The following ATG7 variants were observed in gnomAD, a reference collection of about 807,000 sequenced individuals.
ATG7 encodes the protein autophagy related 7.
Under a neutral mutation model 82.4 loss-of-function variants are expected in ATG7, and 70 were observed. That is an observed-to-expected ratio of 0.85 (90% CI 0.70 to 1.04). The LOEUF is 1.04. Ranked by LOEUF, ATG7 falls within the 50% of genes least tolerant of loss-of-function variation. The probability of loss-of-function intolerance (pLI) is 0.00; values close to 1 mark genes in which losing one functional copy is unlikely to be tolerated. For synonymous variants in ATG7, 287 were observed against 313.0 expected (o/e 0.92, Z 0.88); for missense variants, 792 against 864.3 (o/e 0.92, Z 1.05).
At chr3:11,414,968 T>G (rs557413292) in intron 19 of ATG7, among the ~76,000 whole-genome samples, 9 of 152,232 alleles carry the variant, frequency 5.9e-5, no homozygotes, top group Non-Finnish European at 1.3e-4. Flanking sequence ...GGGGATACCT[T>G]CTGAGAAATG....
rs2071274855 is a variant in ATG7, at chr3:11,546,181, T to TC, written c.2080-8630_2080-8629insC. On this transcript the variant is annotated intron_variant, in intron 20 of 20. Coordinates refer to ENST00000693202, the MANE Select transcript of ATG7 (RefSeq NM_001349232.2). ...AACTGGATTTTTTTTTTTTTTTTTT[T>TC]TTTTTTTTGAGATGGAGTCCTGCTC... Among the ~76,000 whole-genome samples, 17 of 142,958 alleles carry TC rather than the reference T, an allele frequency of 1.2e-4. No individual in the cohort carries two copies. In the South Asian group the frequency reaches 3.8e-3, roughly 32 times the overall value. The allele number at this position is 142,958 out of a possible 152,430, so 93.8% of individuals were successfully genotyped here.
At chr3:11,504,093 C>G (rs148962122) in intron 20 of ATG7, among the ~76,000 whole-genome samples, 1 of 152,194 alleles carries the variant, frequency 6.6e-6, no homozygotes, top group Non-Finnish European at 1.5e-5. Context: ...TGAGACTAGA[C>G]CAACACTAAG....
rs563278957 is a variant in ATG7, at chr3:11,447,741, T to C, written c.2079+20815T>C. On this transcript the variant is annotated intron_variant, in intron 20 of 20. Transcript: ENST00000693202. ...AGAAAATCCCAGATAAGGACTGTGATTGGCCAGGCCTGGGTCACATGCCAT... is the reference window on the plus strand; with the variant it reads ...AGAAAATCCCAGATAAGGACTGTGACTGGCCAGGCCTGGGTCACATGCCAT... Among the ~76,000 whole-genome samples, 22 of 152,270 alleles carry C rather than the reference T, an allele frequency of 1.4e-4. 1 individual carries two copies. Among genetic ancestry groups the C allele is most frequent in the African/African-American group, 4.3e-4 (18 of 41,554 alleles).
intron 19 of ATG7, among the ~76,000 whole-genome samples, chr3:11,422,612 C>G (rs1050361497): frequency 1.3e-5 from 2 of 151,904 alleles, no homozygotes; most frequent in Admixed American, 6.6e-5. Flanking sequence ...TGGAGTAGCA[C>G]TTATAATTTC....
chr3:11,407,254 T>A (rs1209332566), intron 19 of ATG7, among the ~76,000 whole-genome samples: 2 of 152,210 alleles, frequency 1.3e-5, no homozygotes, highest in Admixed American at 6.5e-5. Context: ...AATGATCTCC[T>A]TTGACTCCGT....
chr3:11,430,671 C>G (rs1020325280), intron 20 of ATG7, among the ~76,000 whole-genome samples: 5 of 152,116 alleles, frequency 3.3e-5, no homozygotes, highest in African/African-American at 1.2e-4. Flanking sequence ...TAACTGAATA[C>G]AGAAGTTAAT....
intron 18 of ATG7, among the ~76,000 whole-genome samples, chr3:11,377,212 G>T (rs2077486723): frequency 6.6e-6 from 1 of 152,216 alleles, no homozygotes; most frequent in African/African-American, 2.4e-5. Flanking sequence ...AGGGTTTCCT[G>T]TCTTGAATTA....
intron 18 of ATG7, among the ~76,000 whole-genome samples, chr3:11,378,271 C>G (rs2077584065): frequency 6.6e-6 from 1 of 150,856 alleles, no homozygotes; most frequent in Non-Finnish European, 1.5e-5. Context: ...CCCGCCTCAG[C>G]CTCCCAAAGT....
the ATG7 span, among the ~76,000 whole-genome samples, chr3:11,573,385 A>C: frequency 6.7e-6 from 1 of 148,682 alleles, no homozygotes; most frequent in East Asian, 2.0e-4. Flanking sequence ...GAAAGAAAGA[A>C]AGAAAGAAAG....
chr3:11,383,008 G>T (rs538631712), intron 19 of ATG7, among the ~76,000 whole-genome samples: 1 of 152,204 alleles, frequency 6.6e-6, no homozygotes, highest in African/African-American at 2.4e-5. Context: ...AAAACTGAAT[G>T]CTTCAATGTG....
chr3:11,528,503 A>C (rs1028406451), intron 20 of ATG7, among the ~76,000 whole-genome samples: 3 of 152,128 alleles, frequency 2.0e-5, no homozygotes, highest in African/African-American at 7.2e-5. Context: ...CATAGAGTCT[A>C]CCAGAGGACA....
At chr3:11,331,521 A>G (rs1951647065) in intron 10 of ATG7, 93 bp downstream of exon 10, 6 of 1,105,138 alleles carry the variant, frequency 5.4e-6, no homozygotes, top group South Asian at 2.7e-5. Context: ...CTGTTTTCCT[A>G]AATGCATTAT....
chr3:11,355,404 CTT>C (rs1038213702), intron 14 of ATG7, among the ~76,000 whole-genome samples: 1 of 152,182 alleles, frequency 6.6e-6, no homozygotes, highest in African/African-American at 2.4e-5. Context: ...AAATTTAAAA[CTT>C]CTGCTTCTCA....
At chr3:11,494,904 T>G (rs1309049011) in intron 20 of ATG7, among the ~76,000 whole-genome samples, 1 of 152,160 alleles carries the variant, frequency 6.6e-6, no homozygotes, top group African/African-American at 2.4e-5. Flanking sequence ...AAACCCCGTC[T>G]GTACTAAAAA....
chr3:11,280,195 T>C (rs1347488103), intron 1 of ATG7, among the ~76,000 whole-genome samples: 1 of 152,106 alleles, frequency 6.6e-6, no homozygotes, highest in Non-Finnish European at 1.5e-5. Flanking sequence ...TACAGGCGCC[T>C]GCCACCATGC....
At chr3:11,504,862 T>C (rs749839353) in intron 20 of ATG7, among the ~76,000 whole-genome samples, 1 of 152,114 alleles carries the variant, frequency 6.6e-6, no homozygotes, top group Non-Finnish European at 1.5e-5. Flanking sequence ...ACCAAAATTA[T>C]AGTATAATTA....
Position 11,360,770 on chromosome 3 carries a change from G to A in ATG7, c.1669G>A (p.Val557Met). Residue 557 changes from valine (V) to methionine (M), a missense_variant, in exon 16 of 21, where the codon GTG becomes ATG. By Grantham distance (21) the Val-to-Met change is conservative. Coordinates refer to ENST00000693202, the MANE Select transcript of ATG7 (RefSeq NM_001349232.2). ...TGGCTGCTACTTCTGCAATGATGTG[G>A]TGGCCCCAGGAGATGTAAGTGGATT... ...KLGCYFCNDV[V>M]APGDSTRDRT... The A allele has an allele frequency of 6.2e-7, 1 of 1,614,180 alleles. No individual in the cohort carries two copies. Among genetic ancestry groups the A allele is most frequent in the Non-Finnish European group, 8.5e-7 (1 of 1,180,024 alleles).
chr3:11,374,277 G>T (rs1259354854), intron 18 of ATG7, among the ~76,000 whole-genome samples: 1 of 152,162 alleles, frequency 6.6e-6, no homozygotes, highest in Admixed American at 6.5e-5. Context: ...TCAATGGAAA[G>T]AATTGAGAAT....
chr3:11,293,346 A>G (rs562302173), intron 3 of ATG7, among the ~76,000 whole-genome samples: 3 of 150,294 alleles, frequency 2.0e-5, no homozygotes, highest in South Asian at 2.1e-4. Flanking sequence ...CCTGTCTAAC[A>G]TGGTGAAACC....
Sources: allele counts gnomAD v4.1 joint callset (sites outside exome capture counted in the v4.1 genomes callset), GRCh38; gene constraint gnomAD v4.1.1; transcripts MANE v1.5; gene names NCBI Gene and HGNC (gene_info 2026-07-23, HGNC 2026-07-21).